The following BCAR3 variants were observed in gnomAD, a reference collection of about 807,000 sequenced individuals.
The protein encoded by BCAR3 is breast cancer anti-estrogen resistance protein 3.
A neutral mutation model predicts 80.1 loss-of-function variants in BCAR3; 37 were observed. That is an observed-to-expected ratio of 0.46 (90% CI 0.36 to 0.61). The LOEUF (loss-of-function observed/expected upper bound fraction) is 0.61. Among genes scored for constraint, BCAR3 ranks in the 20% least tolerant of loss-of-function variants. The probability of loss-of-function intolerance (pLI) is 0.00; values close to 1 mark genes in which losing one functional copy is unlikely to be tolerated. For missense variants in BCAR3, 978 were observed against 1,068.2 expected (o/e 0.92, Z 1.18); for synonymous variants, 389 against 418.9 (o/e 0.93, Z 0.87).
chr1:93,710,874 G>A (rs953497409), intron 2 of BCAR3, among the ~76,000 whole-genome samples: 1 of 152,196 alleles, frequency 6.6e-6, no homozygotes, highest in African/African-American at 2.4e-5. Flanking sequence ...GATGGTTCTG[G>A]TTCAGGGTTT....
chr1:93,584,566 T>A (rs2101835530), intron 5 of BCAR3, among the ~76,000 whole-genome samples: 1 of 152,374 alleles, frequency 6.6e-6, no homozygotes, highest in African/African-American at 2.4e-5. Flanking sequence ...GGAAGGAAGC[T>A]GTGGGGAAAC....
rs1654436851 is a variant in BCAR3, at chr1:93,828,211, G to A, written c.-63+17356C>T. Among the ~76,000 whole-genome samples the A allele has an allele frequency of 3.3e-5, 5 of 152,232 alleles. No individual in the cohort carries two copies. In the South Asian group the frequency reaches 8.3e-4, roughly 25 times the overall value. Reference sequence around the variant, plus strand: ...ATGACTTGCGAGGCTGAGGCAGGAGGATCACTCACTTGAGCCCAGGAGTTC... The same window carrying A: ...ATGACTTGCGAGGCTGAGGCAGGAGAATCACTCACTTGAGCCCAGGAGTTC... On this transcript the variant is annotated intron_variant, in intron 2 of 13. Coordinates refer to the BCAR3 transcript ENST00000370244.
intron 3 of BCAR3, among the ~76,000 whole-genome samples, chr1:93,615,834 T>C (rs1272249609): frequency 2.6e-5 from 4 of 152,106 alleles, no homozygotes; most frequent in African/African-American, 9.7e-5. Flanking sequence ...GGTATTCTCC[T>C]TGGAGAGCAA....
chr1:93,752,405 G>A (rs1445355466), intron 2 of BCAR3, among the ~76,000 whole-genome samples: 2 of 152,226 alleles, frequency 1.3e-5, no homozygotes, highest in East Asian at 1.9e-4. Context: ...CTGGGCATTG[G>A]AAATACTAAG....
chr1:93,677,823 T>C (rs1648554318), intron 1 of BCAR3, among the ~76,000 whole-genome samples: 1 of 152,162 alleles, frequency 6.6e-6, no homozygotes. Context: ...GTATGCACAA[T>C]TAGAAGTGAG....
intron 2 of BCAR3, among the ~76,000 whole-genome samples, chr1:93,752,684 C>T (rs79659608): frequency 0.01 from 1,565 of 152,298 alleles, 20 homozygotes; most frequent in South Asian, 0.03. Context: ...GTGATCTGAG[C>T]TCTGTGACAT....
At chr1:93,812,121 T>G (rs1029556400) in intron 2 of BCAR3, among the ~76,000 whole-genome samples, 1 of 152,220 alleles carries the variant, frequency 6.6e-6, no homozygotes, top group African/African-American at 2.4e-5. Flanking sequence ...AAAAACATCT[T>G]TGAAGACTTG....
chr1:93,783,334 C>CCAG (rs1430754496), intron 2 of BCAR3, among the ~76,000 whole-genome samples: 1 of 152,138 alleles, frequency 6.6e-6, no homozygotes, highest in Non-Finnish European at 1.5e-5. Flanking sequence ...GCTTCCTACT[C>CCAG]CAGTCATAAA....
chr1:93,591,864 G>T (rs763659231), intron 4 of BCAR3, among the ~76,000 whole-genome samples: 1 of 152,154 alleles, frequency 6.6e-6, no homozygotes, highest in South Asian at 2.1e-4. Context: ...CTCTCCTCCC[G>T]AAGCTAAGCC....
chr1:93,589,114 C>T lies in BCAR3; in HGVS notation c.792G>A (p.Glu264=). The change falls in exon 5 of 12, where the codon GAG becomes GAA. Residue 264 remains glutamate (E), a synonymous_variant. Coordinates refer to ENST00000260502, the MANE Select transcript of BCAR3 (RefSeq NM_003567.4). The stretch of plus-strand genomic sequence containing the variant: ...CCTGGCCTGGGGAGGTGCCATAATG[C>T]TCCTCCAGGCACCGCAGAGGCACCG... The part of the protein sequence containing the change: ...NRTVPLRCLE[E]HYGTSPGQAR... 6.2e-7 allele frequency: 1 copy of T among 1,612,858 alleles called. No individual in the cohort carries two copies. The highest frequency in any genetic ancestry group is 8.5e-7 in the Non-Finnish European group (1 of 1,179,386).
intron 2 of BCAR3, chr1:93,753,078 G>C (rs930761750): frequency 1.3e-5 from 2 of 152,174 alleles, no homozygotes; most frequent in African/African-American, 4.8e-5. Flanking sequence ...TAAAATTACA[G>C]TTTAAATGTG....
In BCAR3 at chr1:93,668,221, T is replaced by C. The variant is rs138744559; in HGVS notation, c.317+6393A>G. Among the ~76,000 whole-genome samples, 413 of 152,342 alleles carry C rather than the reference T, an allele frequency of 2.7e-3. 1 individual carries two copies. Among genetic ancestry groups the C allele is most frequent in the African/African-American group, 9.5e-3 (393 of 41,580 alleles). On this transcript the variant is annotated intron_variant, in intron 2 of 11. Coordinates refer to ENST00000260502, the MANE Select transcript of BCAR3 (RefSeq NM_003567.4). ...TTGTGTAATTCTCTGATCATTTTCT[T>C]GGTTGTGGTTTGCAATCTGTTAACA... is the stretch of plus-strand genomic sequence containing the variant.
At chr1:93,814,345 G>A (rs550259717) in intron 2 of BCAR3, among the ~76,000 whole-genome samples, 45 of 152,356 alleles carry the variant, frequency 3.0e-4, no homozygotes, top group African/African-American at 9.6e-4. Flanking sequence ...CCTTAGGCAA[G>A]TTATTCAGCC....
chr1:93,767,959 A>G (rs1327172193), intron 2 of BCAR3, among the ~76,000 whole-genome samples: 1 of 148,836 alleles, frequency 6.7e-6, no homozygotes, highest in Non-Finnish European at 1.5e-5. Flanking sequence ...TAGTAGTGGA[A>G]AACATCATCT....
upstream of BCAR3, among the ~76,000 whole-genome samples, chr1:93,686,134 G>A (rs139113993): frequency 1.3e-5 from 2 of 152,152 alleles, no homozygotes; most frequent in Non-Finnish European, 2.9e-5. Context: ...CAAGTTGGGG[G>A]CACTGATCAG....
intron 2 of BCAR3, among the ~76,000 whole-genome samples, chr1:93,837,382 T>C (rs1346472468): frequency 6.6e-6 from 1 of 152,226 alleles, no homozygotes; most frequent in Non-Finnish European, 1.5e-5. Context: ...TTTCACTCAC[T>C]TAGTTCAATG....
chr1:93,634,778 G>A (rs1675727717), intron 3 of BCAR3, among the ~76,000 whole-genome samples: 1 of 151,938 alleles, frequency 6.6e-6, no homozygotes. Context: ...TGCCATGTGA[G>A]ATGTGCCTTT....
intron 3 of BCAR3, among the ~76,000 whole-genome samples, chr1:93,641,851 A>G (rs776688686): frequency 6.6e-6 from 1 of 152,142 alleles, no homozygotes; most frequent in Non-Finnish European, 1.5e-5. Flanking sequence ...CACTAACATT[A>G]AAAAAACCTT....
At chr1:93,701,617 T>C (rs112468271) in intron 3 of BCAR3, among the ~76,000 whole-genome samples, 2,435 of 152,288 alleles carry the variant, frequency 0.016, 64 homozygotes, top group African/African-American at 0.057. Context: ...CCACCGTGTG[T>C]GATGAGGGGC....
Sources: allele counts gnomAD v4.1 joint callset (sites outside exome capture counted in the v4.1 genomes callset), GRCh38; gene constraint gnomAD v4.1.1; transcripts MANE v1.5; gene names NCBI Gene and HGNC (gene_info 2026-07-23, HGNC 2026-07-21).